The following RPRD1A variants were observed in gnomAD, a reference collection of about 807,000 sequenced individuals.
RPRD1A encodes regulation of nuclear pre-mRNA domain containing 1A.
Under a neutral mutation model 37.8 loss-of-function variants are expected in RPRD1A, and 9 were observed. That is an observed-to-expected ratio of 0.24 (90% confidence interval 0.14 to 0.42). The LOEUF is 0.42. RPRD1A is among the 10% of genes least tolerant of loss of function. The probability of loss-of-function intolerance (pLI) is 1.00; values close to 1 mark genes in which losing one functional copy is unlikely to be tolerated. For missense variants in RPRD1A, 255 were observed against 371.0 expected, an observed-to-expected ratio of 0.69 and a Z score of 2.57; for synonymous variants, 138 against 139.7, an observed-to-expected ratio of 0.99 and a Z score of 0.08.
At chr18:36,032,826 T>C (rs1911894866) in intron 2 of RPRD1A, among the ~76,000 whole-genome samples, 1 of 152,028 alleles carries the variant, frequency 6.6e-6, no homozygotes, top group African/African-American at 2.4e-5. Flanking sequence ...CATAATGAGT[T>C]CTGTATCAGA....
At chr18:36,018,271 C>T (rs1910741254) in intron 6 of RPRD1A, among the ~76,000 whole-genome samples, 1 of 142,476 alleles carries the variant, frequency 7.0e-6, no homozygotes, top group East Asian at 2.1e-4. Context: ...TTCCAAGTTA[C>T]ACTTTTTTTT....
At chr18:35,998,014 G>A (rs1049620058) in intron 6 of RPRD1A, among the ~76,000 whole-genome samples, 2 of 152,092 alleles carry the variant, frequency 1.3e-5, no homozygotes, top group South Asian at 2.1e-4. Context: ...TAATATCCAT[G>A]CAATCACAGG....
chr18:36,041,060 A>T (rs980521498), intron 1 of RPRD1A, among the ~76,000 whole-genome samples: 1 of 152,236 alleles, frequency 6.6e-6, no homozygotes, highest in Non-Finnish European at 1.5e-5. Context: ...TCAAATGAGA[A>T]TTGAAGAAAG....
intron 1 of RPRD1A, among the ~76,000 whole-genome samples, chr18:36,044,032 G>A (rs908180600): frequency 4.6e-5 from 7 of 152,162 alleles, no homozygotes; most frequent in African/African-American, 1.7e-4. Context: ...AAGTAAGCTA[G>A]AGAAAAGAAA....
rs145857869 is a variant in RPRD1A, at chr18:36,009,787, C to T, written c.790-16487G>A. 4.0e-3 allele frequency among the ~76,000 whole-genome samples: 608 copies of T among 152,302 alleles called. 6 individuals are homozygous for T. The highest frequency in any genetic ancestry group is 0.037 in the Middle Eastern group (11 of 294). On this transcript the variant is annotated intron_variant, in intron 6 of 6. Transcript: ENST00000399022. ...GTGGCTAGTGAGCACTTCAAATGTG[C>T]CTACTGCTACTGAGAAACTGGATTT...
chr18:36,049,924 ATTCTGACCAGCAATG>A (rs887947289), intron 1 of RPRD1A, among the ~76,000 whole-genome samples: 6 of 152,286 alleles, frequency 3.9e-5, no homozygotes, highest in African/African-American at 1.4e-4. Flanking sequence ...ACCATTTTAT[ATTCTGACCAGCAATG>A]TGCCAGGGTT....
At chr18:36,002,435 A>G (rs1240094746) in intron 6 of RPRD1A, among the ~76,000 whole-genome samples, 1 of 151,126 alleles carries the variant, frequency 6.6e-6, no homozygotes, top group Non-Finnish European at 1.5e-5. Flanking sequence ...TTTTTTTTAC[A>G]GTCTCACTCT....
chr18:36,046,885 A>C (rs2144359542), intron 1 of RPRD1A, among the ~76,000 whole-genome samples: 1 of 136,902 alleles, frequency 7.3e-6, no homozygotes, highest in South Asian at 2.3e-4. Context: ...CCATGCATCC[A>C]CTAAAAAAAA....
chr18:36,017,535 T>C (rs1254859407), intron 6 of RPRD1A, among the ~76,000 whole-genome samples: 1 of 152,224 alleles, frequency 6.6e-6, no homozygotes, highest in Non-Finnish European at 1.5e-5. Flanking sequence ...CTCCACAATG[T>C]GGCTCCAAAC....
At chr18:36,062,083 C>T (rs1001124373) in intron 1 of RPRD1A, among the ~76,000 whole-genome samples, 11 of 150,800 alleles carry the variant, frequency 7.3e-5, no homozygotes, top group East Asian at 3.9e-4. Context: ...TTTGGGAGGC[C>T]GAGGCGGGTG....
At chr18:36,018,272 ACT>A (rs1216152793) in intron 6 of RPRD1A, among the ~76,000 whole-genome samples, 1,070 of 80,018 alleles carry the variant, frequency 0.013, 14 homozygotes, top group African/African-American at 0.044. Context: ...TCCAAGTTAC[ACT>A]TTTTTTTTTT....
At chr18:36,021,391 T>C (rs1438341462) in intron 6 of RPRD1A, among the ~76,000 whole-genome samples, 1 of 152,230 alleles carries the variant, frequency 6.6e-6, no homozygotes, top group African/African-American at 2.4e-5. Flanking sequence ...TAATCTGTGA[T>C]CAGTGATTTA....
chr18:36,056,641 T>C (rs183617491), intron 1 of RPRD1A, among the ~76,000 whole-genome samples: 1 of 152,096 alleles, frequency 6.6e-6, no homozygotes, highest in East Asian at 1.9e-4. Flanking sequence ...AAATAAGTAT[T>C]TTTAGAAATA....
intron 1 of RPRD1A, among the ~76,000 whole-genome samples, chr18:36,034,499 T>C (rs1168453006): frequency 6.6e-6 from 1 of 152,238 alleles, no homozygotes; most frequent in African/African-American, 2.4e-5. Context: ...TGGGCCACAG[T>C]ACATTTTTAC....
At chr18:36,006,497 T>C (rs970094435) in intron 6 of RPRD1A, among the ~76,000 whole-genome samples, 5 of 152,220 alleles carry the variant, frequency 3.3e-5, no homozygotes, top group African/African-American at 1.2e-4. Flanking sequence ...TGCTTGGCCA[T>C]AGCAAGGTTT....
At chr18:36,027,656 TA>T (rs1911468159) in intron 4 of RPRD1A, 2 of 183,044 alleles carry the variant, frequency 1.1e-5, no homozygotes, top group South Asian at 2.8e-4. Context: ...AACATCAACC[TA>T]GAGAATACAA....
intron 6 of RPRD1A, among the ~76,000 whole-genome samples, chr18:36,024,619 T>C (rs1038196620): frequency 3.9e-5 from 6 of 152,222 alleles, no homozygotes; most frequent in Non-Finnish European, 7.3e-5. Flanking sequence ...CCCGAACTGA[T>C]ACTTTAAATT....
intron 6 of RPRD1A, among the ~76,000 whole-genome samples, chr18:36,018,553 G>A (rs565788983): frequency 6.4e-4 from 98 of 152,240 alleles, no homozygotes; most frequent in Non-Finnish European, 1.1e-3. Flanking sequence ...GATTACAGGC[G>A]TGAGCCACCG....
At chr18:36,027,361 CAA>C (rs1444355588) in intron 4 of RPRD1A, 51 bp from the exon 5 acceptor site, 1 of 1,591,396 alleles carries the variant, frequency 6.3e-7, no homozygotes, top group Non-Finnish European at 8.6e-7. Context: ...TAAACAAGTG[CAA>C]AAGACTTTAA....
Sources: gnomAD v4.1 joint callset for allele counts (sites outside exome capture counted in the v4.1 genomes callset) on GRCh38, gnomAD v4.1.1 for gene constraint, MANE v1.5 for transcripts, NCBI Gene and HGNC (gene_info 2026-07-23, HGNC 2026-07-21) for gene names.